The following EPHA7 variants were observed in gnomAD, a reference collection of about 807,000 sequenced individuals.
The protein encoded by EPHA7 is EPH receptor A7, also known as ephrin type-A receptor 7.
A neutral mutation model predicts 112.6 loss-of-function variants in EPHA7; 25 were observed. That is an observed-to-expected ratio of 0.22 (90% CI 0.16 to 0.31). EPHA7 has a LOEUF of 0.31. EPHA7 is among the 10% of genes least tolerant of loss of function. EPHA7 has a pLI of 1.00. For synonymous variants in EPHA7, 437 were observed against 406.5 expected (o/e 1.07, Z -0.90); for missense variants, 962 against 1,212.6 (o/e 0.79, Z 3.07).
At chr6:93,308,206 TG>T (rs1424360219) in intron 5 of EPHA7, among the ~76,000 whole-genome samples, 1 of 152,186 alleles carries the variant, frequency 6.6e-6, no homozygotes, top group Non-Finnish European at 1.5e-5. Context: ...TAATTCAAAC[TG>T]TCTCAGGCTC....
At chr6:93,253,942 G>T (rs1015610891) in intron 14 of EPHA7, among the ~76,000 whole-genome samples, 6 of 151,486 alleles carry the variant, frequency 4.0e-5, no homozygotes, top group African/African-American at 1.2e-4. Context: ...TTGCACTTTT[G>T]CTATATTGTT....
intron 5 of EPHA7, among the ~76,000 whole-genome samples, chr6:93,285,749 GC>G (rs1772030823): frequency 6.6e-6 from 1 of 152,046 alleles, no homozygotes; most frequent in Non-Finnish European, 1.5e-5. Context: ...TGAAGTTCCG[GC>G]TTTATTCCTA....
At chr6:93,297,483 G>A (rs905365769) in intron 5 of EPHA7, among the ~76,000 whole-genome samples, 16 of 152,056 alleles carry the variant, frequency 1.1e-4, no homozygotes, top group Admixed American at 4.6e-4. Context: ...ATAAGTTTTG[G>A]TGTTCTGTCT....
At chr6:93,398,504 A>G (rs1448110444) in intron 3 of EPHA7, among the ~76,000 whole-genome samples, 1 of 152,032 alleles carries the variant, frequency 6.6e-6, no homozygotes, top group Non-Finnish European at 1.5e-5. Flanking sequence ...TTATCTTTCC[A>G]TTAAAGGAAT....
chr6:93,355,023 T>G (rs763361994), intron 5 of EPHA7, among the ~76,000 whole-genome samples: 1 of 63,080 alleles, frequency 1.6e-5, no homozygotes, highest in Non-Finnish European at 2.7e-5. Flanking sequence ...TAAAAACGTT[T>G]CAAATCCACT....
intron 15 of EPHA7, among the ~76,000 whole-genome samples, chr6:93,246,368 T>C (rs1347818084): frequency 6.6e-6 from 1 of 152,062 alleles, no homozygotes; most frequent in Non-Finnish European, 1.5e-5. Flanking sequence ...TCTTATAAAC[T>C]TTAACATCAT....
chr6:93,263,734 G>T, intron 9 of EPHA7, 126 bp downstream of exon 9: 1 of 583,056 alleles, frequency 1.7e-6, no homozygotes, highest in Non-Finnish European at 2.9e-6. Context: ...ATGCTTTAAA[G>T]CAACATTTTG....
In EPHA7 at chr6:93,363,552, C is replaced by CA. The variant is rs1776357793; in HGVS notation, c.833-5142dup. Among the ~76,000 whole-genome samples, 4 of 152,118 alleles carry CA rather than the reference C, an allele frequency of 2.6e-5. No individual in the cohort carries two copies. The South Asian group carries it at 8.3e-4, about 32-fold the overall frequency. ...ACACATCTACTAGGATGGCTATAACCAAAAAGATAACAAGTGTTGGTGAAA... is the reference window on the plus strand; with the variant it reads ...ACACATCTACTAGGATGGCTATAACCAAAAAAGATAACAAGTGTTGGTGAAA... On this transcript the variant is annotated intron_variant, in intron 3 of 16. Transcript: ENST00000369303.
Position 93,281,127 on chromosome 6 carries a change from T to A in EPHA7, c.1325-8705A>T, listed in dbSNP as rs140729807. Among the ~76,000 whole-genome samples, 121 of 152,284 alleles carry A rather than the reference T, an allele frequency of 7.9e-4. 3 individuals are homozygous for A. In the East Asian group the frequency reaches 0.021, roughly 26 times the overall value. The stretch of plus-strand genomic sequence containing the variant: ...TTCAGTAAATAATCCATTTGTATAA[T>A]TTATACTGTTTTATATGCATGAGCT... On this transcript the variant is annotated intron_variant, in intron 5 of 16. Coordinates refer to ENST00000369303, the MANE Select transcript of EPHA7 (RefSeq NM_004440.4).
intron 5 of EPHA7, among the ~76,000 whole-genome samples, chr6:93,317,522 A>G (rs950105343): frequency 6.6e-6 from 1 of 152,170 alleles, no homozygotes; most frequent in African/African-American, 2.4e-5. Context: ...ATTCAATTTT[A>G]ACATTAGCAA....
At chr6:93,340,568 C>CA (rs199660605) in intron 5 of EPHA7, among the ~76,000 whole-genome samples, 7,451 of 150,326 alleles carry the variant, frequency 0.05, 261 homozygotes, top group South Asian at 0.089. Flanking sequence ...TACAAAACTC[C>CA]AAAAAAAAAT....
At position 93,358,416 on chromosome 6, in the gene EPHA7, G is replaced by C; in HGVS notation, c.833-5C>G. 6.3e-7 allele frequency: 1 copy of C among 1,587,910 alleles called. No homozygotes were observed. The highest frequency in any genetic ancestry group is 1.7e-4 in the Middle Eastern group (1 of 5,886). On this transcript the variant is annotated splice_region_variant and splice_polypyrimidine_tract_variant and intron_variant, in intron 3 of 16. Transcript: ENST00000369303. ...TGTAGAACCCACGGCCACAGGCTGG[G>C]AATGCAAAAGAAAGCAAAAATTGAG...
rs368531054 is a variant in EPHA7 at position 93,245,407 on chromosome 6, A to G, written c.2773T>C (p.Phe925Leu). ...LDQNTPDFTT[F>L]CSVGEWLQAI... ...TGTAGCCATTCTCCAACTGAACAAAAGGTAGTGAAATCAGGAGTGTTTTGA... is the reference window on the plus strand; with the variant it reads ...TGTAGCCATTCTCCAACTGAACAAAGGGTAGTGAAATCAGGAGTGTTTTGA... The change falls in exon 16 of 17, where the codon TTT (phenylalanine) becomes CTT (leucine). Residue 925 changes from phenylalanine to leucine, a missense_variant. Transcript: ENST00000369303. 6.2e-7 allele frequency: 1 copy of G among 1,613,692 alleles called. No individual in the cohort carries two copies. The highest frequency in any genetic ancestry group is 1.3e-5 in the African/African-American group (1 of 74,932).
At chr6:93,378,004 C>T (rs1189047944) in intron 3 of EPHA7, among the ~76,000 whole-genome samples, 3 of 150,934 alleles carry the variant, frequency 2.0e-5, no homozygotes, top group Non-Finnish European at 4.4e-5. Flanking sequence ...TTAAACCATT[C>T]TAATAAAGCA....
intron 5 of EPHA7, among the ~76,000 whole-genome samples, chr6:93,347,267 T>C (rs1463004758): frequency 6.6e-6 from 1 of 151,888 alleles, no homozygotes; most frequent in African/African-American, 2.4e-5. Context: ...AACTTTTATA[T>C]TGGATGTTCT....
intron 5 of EPHA7, among the ~76,000 whole-genome samples, chr6:93,301,879 C>T (rs1430384232): frequency 6.6e-6 from 1 of 152,158 alleles, no homozygotes; most frequent in Non-Finnish European, 1.5e-5. Flanking sequence ...CAAATCTGCA[C>T]CCATAACAGT....
intron 3 of EPHA7, among the ~76,000 whole-genome samples, chr6:93,367,360 T>A (rs1188193031): frequency 6.6e-6 from 1 of 152,148 alleles, no homozygotes; most frequent in Non-Finnish European, 1.5e-5. Context: ...GCACATCAGT[T>A]TTATTATACA....
chr6:93,248,697 A>AAACAAACC (rs2127848752), intron 14 of EPHA7, among the ~76,000 whole-genome samples: 1 of 130,012 alleles, frequency 7.7e-6, no homozygotes, highest in South Asian at 2.8e-4. Flanking sequence ...ACAAACAAAC[A>AAACAAACC]ACAACAACAA....
intron 5 of EPHA7, among the ~76,000 whole-genome samples, chr6:93,323,574 A>G (rs755655457): frequency 6.6e-6 from 1 of 151,512 alleles, no homozygotes; most frequent in Non-Finnish European, 1.5e-5. Flanking sequence ...TAGAATCAAG[A>G]TTTTGGAAAG....
Sources: gnomAD v4.1 joint callset for allele counts (sites outside exome capture counted in the v4.1 genomes callset) on GRCh38, gnomAD v4.1.1 for gene constraint, MANE v1.5 for transcripts, NCBI Gene and HGNC (gene_info 2026-07-23, HGNC 2026-07-21) for gene names.